The following ACAD11 variants were observed in gnomAD, a reference collection of about 807,000 sequenced individuals.
ACAD11 encodes the protein acyl-Coenzyme A dehydrogenase family, member 11.
A neutral mutation model predicts 102.2 loss-of-function variants in ACAD11; 83 were observed. That is an observed-to-expected ratio of 0.81 (90% CI 0.68 to 0.97). The LOEUF (loss-of-function observed/expected upper bound fraction) is 0.97. Ranked by LOEUF, ACAD11 falls within the 50% of genes least tolerant of loss-of-function variation. ACAD11 has a pLI of 0.00. For missense variants in ACAD11, 901 were observed against 951.7 expected, an observed-to-expected ratio of 0.95 and a Z score of 0.70; for synonymous variants, 324 against 319.8, an observed-to-expected ratio of 1.01 and a Z score of -0.14.
rs111438182 is a variant in ACAD11 at position 132,649,332 on chromosome 3, T to C, written c.150-4436A>G. 7.2e-3 allele frequency among the ~76,000 whole-genome samples: 1,102 copies of C among 152,218 alleles called. 10 individuals carry two copies. Among genetic ancestry groups the C allele is most frequent in the African/African-American group, 0.026 (1,069 of 41,544 alleles). On this transcript the variant is annotated intron_variant, in intron 1 of 19. Transcript: ENST00000264990. ...CTGAATGTCTCGGTATAAAACCCAA[T>C]TGTACATTTGTTTAATTCTGGGATA...
chr3:132,633,922 A>T (rs1940158763), intron 5 of ACAD11, among the ~76,000 whole-genome samples: 1 of 152,020 alleles, frequency 6.6e-6, no homozygotes, highest in South Asian at 2.1e-4. Flanking sequence ...TGGATTAAAG[A>T]CTTACATGTT....
intron 13 of ACAD11, among the ~76,000 whole-genome samples, chr3:132,582,621 T>C (rs1356535727): frequency 1.3e-5 from 2 of 151,412 alleles, no homozygotes; most frequent in South Asian, 2.1e-4. Context: ...TCCCCACTTC[T>C]ATGTAATACA....
chr3:132,560,686 C>A (rs147538537), intron 18 of ACAD11, among the ~76,000 whole-genome samples: 3 of 152,070 alleles, frequency 2.0e-5, no homozygotes, highest in Non-Finnish European at 4.4e-5. Context: ...GGATTACAGG[C>A]GAGAGCCACT....
intron 17 of ACAD11, 180 bp from the exon 18 acceptor site, chr3:132,561,397 C>T (rs1937053158): frequency 1.6e-6 from 1 of 633,094 alleles, no homozygotes; most frequent in East Asian, 3.1e-5. Flanking sequence ...AGCCTAACCA[C>T]ATACTTGTGG....
At chr3:132,644,184 G>A (rs570175812) in intron 2 of ACAD11, among the ~76,000 whole-genome samples, 2 of 152,160 alleles carry the variant, frequency 1.3e-5, no homozygotes, top group South Asian at 2.1e-4. Context: ...ACATGATTAC[G>A]GCTATACCCT....
At position 132,604,657 on chromosome 3, in the gene ACAD11, A is replaced by C. The variant is rs560657230; in HGVS notation, c.1522+441T>G. Among the ~76,000 whole-genome samples the C allele has an allele frequency of 1.2e-4, 19 of 152,336 alleles. No homozygotes were observed. The Middle Eastern group carries it at 0.014, about 109-fold the overall frequency. ...TCCTTTATTTTCCCACATGATTATAATTTGAGCCATATGTCCAGTACTGGT... is the reference window on the plus strand; with the variant it reads ...TCCTTTATTTTCCCACATGATTATACTTTGAGCCATATGTCCAGTACTGGT... On this transcript the variant is annotated intron_variant, in intron 12 of 19. Coordinates refer to ENST00000264990, the MANE Select transcript of ACAD11 (RefSeq NM_032169.5).
chr3:132,576,901 A>G, intron 16 of ACAD11, 43 bp downstream of exon 16: 1 of 1,325,930 alleles, frequency 7.5e-7, no homozygotes, highest in Non-Finnish European at 1.1e-6. Context: ...GAGCTGAAAT[A>G]TTAATGTACA....
intron 1 of ACAD11, among the ~76,000 whole-genome samples, chr3:132,656,944 A>G (rs1489578585): frequency 6.6e-6 from 1 of 151,846 alleles, no homozygotes; most frequent in Non-Finnish European, 1.5e-5. Context: ...GAGCTATTAT[A>G]GTTATATTCT....
At chr3:132,587,191 A>C (rs1467120957) in intron 13 of ACAD11, among the ~76,000 whole-genome samples, 5 of 152,210 alleles carry the variant, frequency 3.3e-5, no homozygotes, top group Non-Finnish European at 7.3e-5. Context: ...TTTTATATCA[A>C]TCAAAAATAA....
intron 1 of ACAD11, among the ~76,000 whole-genome samples, chr3:132,653,546 C>G (rs1937626376): frequency 6.6e-6 from 1 of 152,180 alleles, no homozygotes; most frequent in Non-Finnish European, 1.5e-5. Flanking sequence ...CATCAGCATA[C>G]AAATATGATG....
chr3:132,580,361 C>T (rs1040069461), intron 13 of ACAD11, among the ~76,000 whole-genome samples: 3 of 151,860 alleles, frequency 2.0e-5, no homozygotes, highest in Non-Finnish European at 4.4e-5. Context: ...AAGGACATTG[C>T]AGGAATGTAA....
chr3:132,598,098 CTG>C (rs1475341783), intron 13 of ACAD11, among the ~76,000 whole-genome samples: 3 of 152,042 alleles, frequency 2.0e-5, no homozygotes, highest in Admixed American at 6.5e-5. Flanking sequence ...AGTTGGCACA[CTG>C]TTTTAAAAAT....
chr3:132,623,631 T>C lies in ACAD11; in HGVS notation c.1197+3060A>G, dbSNP rs112233998. Reference sequence around the variant, plus strand: ...GTGGCTTTTCTGGTCACACAAAACATTGGCAATCTTCCCTTTAAAGCTATA... The same window carrying C: ...GTGGCTTTTCTGGTCACACAAAACACTGGCAATCTTCCCTTTAAAGCTATA... On this transcript the variant is annotated intron_variant, in intron 9 of 19. Transcript: ENST00000264990. Among the ~76,000 whole-genome samples the C allele has an allele frequency of 7.2e-3, 1,104 of 152,322 alleles. 9 individuals carry two copies. The highest frequency in any genetic ancestry group is 0.026 in the African/African-American group (1,072 of 41,574).
intron 1 of ACAD11, among the ~76,000 whole-genome samples, chr3:132,656,788 A>T (rs1239630423): frequency 1.3e-5 from 2 of 151,722 alleles, no homozygotes; most frequent in Middle Eastern, 3.2e-3. Context: ...CACTGCACCC[A>T]GTCTATTGTC....
At chr3:132,628,568 G>GA in intron 7 of ACAD11, 122 bp from the exon 8 acceptor site, 1 of 609,570 alleles carries the variant, frequency 1.6e-6, no homozygotes, top group East Asian at 3.0e-5. Flanking sequence ...ACGTAAAACA[G>GA]ACTATCGACG....
chr3:132,640,987 G>C (rs1016845132), intron 4 of ACAD11, among the ~76,000 whole-genome samples: 9 of 152,064 alleles, frequency 5.9e-5, no homozygotes, highest in African/African-American at 1.9e-4. Context: ...CTCCCAGGAA[G>C]CTTTCTCTAT....
rs1329319363 is a variant in ACAD11 at position 132,628,422 on chromosome 3, C to G, written c.988G>C (p.Gly330Arg). The G allele has an allele frequency of 6.2e-7, 1 of 1,610,922 alleles. No homozygotes were observed. The highest frequency in any genetic ancestry group is 8.5e-7 in the Non-Finnish European group (1 of 1,178,360). Reference sequence around the variant, plus strand: ...AAGCTATCCTCAGATGAATTATTTCCCAGAAGATATCTGCTATATACTCCC... The same window carrying G: ...AAGCTATCCTCAGATGAATTATTTCGCAGAAGATATCTGCTATATACTCCC... ...AQGVYSRYLL[G>R]NNSSEDSFLF... is the part of the protein sequence containing the mutation. The change falls in exon 8 of 20, where the codon GGA becomes CGA. Residue 330 changes from glycine to arginine, a missense_variant. Transcript: ENST00000264990.
chr3:132,572,156 T>C (rs996839840), intron 17 of ACAD11, among the ~76,000 whole-genome samples: 1 of 152,038 alleles, frequency 6.6e-6, no homozygotes, highest in African/African-American at 2.4e-5. Context: ...TTATTCTATA[T>C]CTAGAAAACC....
intron 9 of ACAD11, chr3:132,621,153 A>T (rs959327944): frequency 6.6e-6 from 1 of 152,212 alleles, no homozygotes; most frequent in African/African-American, 2.4e-5. Flanking sequence ...TTCGGAACTG[A>T]TAAGACAGCA....
Sources: allele counts gnomAD v4.1 joint callset (sites outside exome capture counted in the v4.1 genomes callset), GRCh38; gene constraint gnomAD v4.1.1; transcripts MANE v1.5; gene names NCBI Gene and HGNC (gene_info 2026-07-23, HGNC 2026-07-21).